ZFP64: variants seen among roughly 807,000 people sequenced by gnomAD.
The protein encoded by ZFP64 is zinc finger protein 64.
ZFP64 carries 14 observed loss-of-function variants against 51.6 expected under a neutral mutation model. The ratio of observed to expected loss-of-function variants is 0.27; its 90% CI spans 0.18 to 0.42. The LOEUF (loss-of-function observed/expected upper bound fraction) is 0.42, where lower values mean the gene tolerates loss of function less well. Among genes scored for constraint, ZFP64 ranks in the 10% least tolerant of loss-of-function variants. ZFP64 has a pLI of 1.00. For missense variants in ZFP64, 754 were observed against 906.8 expected (o/e 0.83, Z 2.16); for synonymous variants, 375 against 361.4 (o/e 1.04, Z -0.43).
chr20:52,108,249 T>G (rs1024437123), intron 5 of ZFP64, among the ~76,000 whole-genome samples: 1 of 152,026 alleles, frequency 6.6e-6, no homozygotes, highest in African/African-American at 2.4e-5. Flanking sequence ...ACCCAAAATG[T>G]GAAGCCCATT....
intron 4 of ZFP64, among the ~76,000 whole-genome samples, chr20:52,162,933 C>G (rs1179141640): frequency 6.6e-6 from 1 of 152,042 alleles, no homozygotes; most frequent in African/African-American, 2.4e-5. Context: ...AAAATGTAGA[C>G]AGAGACCGCA....
chr20:52,189,948 A>G (rs766870157), intron 1 of ZFP64, among the ~76,000 whole-genome samples: 2 of 152,100 alleles, frequency 1.3e-5, no homozygotes, highest in Non-Finnish European at 2.9e-5. Flanking sequence ...ATACAAGACT[A>G]CCTTTGTGCA....
intron 5 of ZFP64, among the ~76,000 whole-genome samples, chr20:52,132,593 A>C (rs747416295): frequency 5.3e-5 from 8 of 152,190 alleles, no homozygotes; most frequent in Non-Finnish European, 1.0e-4. Flanking sequence ...CATGTCAATA[A>C]ATTGGAAAAT....
At chr20:52,086,616 T>C (rs2078867581) in intron 8 of ZFP64, among the ~76,000 whole-genome samples, 1 of 152,012 alleles carries the variant, frequency 6.6e-6, no homozygotes, top group African/African-American at 2.4e-5. Flanking sequence ...TAGCTGGGAC[T>C]ACAGGTGCCC....
At chr20:52,146,973 T>C (rs1049344804), downstream of ZFP64, among the ~76,000 whole-genome samples, 1 of 152,214 alleles carries the variant, frequency 6.6e-6, no homozygotes, top group African/African-American at 2.4e-5. Context: ...ATTCACTGTG[T>C]CAACATATTT....
chr20:52,190,880 C>T (rs1021998117), intron 1 of ZFP64, among the ~76,000 whole-genome samples: 3 of 152,034 alleles, frequency 2.0e-5, no homozygotes, highest in African/African-American at 7.3e-5. Context: ...GGATCCCCAG[C>T]CCCACCCCCG....
chr20:52,164,627 A>G (rs891416699), intron 4 of ZFP64, 68 bp downstream of exon 4: 56 of 1,331,200 alleles, frequency 4.2e-5, no homozygotes, highest in Non-Finnish European at 6.1e-5. Flanking sequence ...CGTCTGACCT[A>G]TGTGGATCCC....
At chr20:52,109,452 G>A (rs974322932) in intron 5 of ZFP64, among the ~76,000 whole-genome samples, 7 of 152,040 alleles carry the variant, frequency 4.6e-5, no homozygotes, top group East Asian at 1.9e-4. Flanking sequence ...GTGAGCCACC[G>A]TGCCTGGCCA....
intron 7 of ZFP64, among the ~76,000 whole-genome samples, chr20:52,090,824 G>A (rs2078916992): frequency 7.1e-6 from 1 of 141,486 alleles, no homozygotes; most frequent in Admixed American, 7.2e-5. Flanking sequence ...AGACTTGGTT[G>A]GGCACAATGG....
intron 7 of ZFP64, among the ~76,000 whole-genome samples, chr20:52,091,085 C>A (rs1358428199): frequency 6.6e-6 from 1 of 152,094 alleles, no homozygotes; most frequent in Non-Finnish European, 1.5e-5. Flanking sequence ...AGAACAAGAA[C>A]TTGTCTCTAT....
At chr20:52,176,653 G>T (rs937231667) in intron 2 of ZFP64, among the ~76,000 whole-genome samples, 2 of 151,742 alleles carry the variant, frequency 1.3e-5, no homozygotes, top group African/African-American at 2.4e-5. Context: ...GGGACTACAG[G>T]CGCCCGCCAC....
At chr20:52,138,681 G>A (rs1290161453) in intron 5 of ZFP64, among the ~76,000 whole-genome samples, 1 of 151,496 alleles carries the variant, frequency 6.6e-6, no homozygotes, top group Non-Finnish European at 1.5e-5. Context: ...GGTAATATAA[G>A]GAAAGCTTAG....
intron 5 of ZFP64, among the ~76,000 whole-genome samples, chr20:52,121,869 G>A (rs1162277911): frequency 6.6e-6 from 1 of 152,128 alleles, no homozygotes; most frequent in Non-Finnish European, 1.5e-5. Context: ...TAATGTAGCT[G>A]GTGACTTGAA....
chr20:52,189,534 G>C (rs902696638), intron 1 of ZFP64, among the ~76,000 whole-genome samples: 6 of 151,132 alleles, frequency 4.0e-5, no homozygotes, highest in Non-Finnish European at 8.8e-5. Context: ...GGAGTGCAAG[G>C]GCACGATCTC....
chr20:52,128,367 C>A (rs1261518501), intron 5 of ZFP64, among the ~76,000 whole-genome samples: 2 of 152,104 alleles, frequency 1.3e-5, no homozygotes, highest in Non-Finnish European at 2.9e-5. Flanking sequence ...ATGGTGGTGC[C>A]CCACCCACCA....
rs188631886 is a variant in ZFP64 at position 52,143,923 on chromosome 20, C to T, written c.763+16200G>A. On this transcript the variant is annotated intron_variant, in intron 5 of 8. Transcript: ENST00000361387. ...CATCCACAGGACTGCAAACAGATTT[C>T]GTTTGATGGAACACAGCTAATTACT... 5.6e-3 allele frequency among the ~76,000 whole-genome samples: 795 copies of T among 143,136 alleles called. 79 individuals carry two copies. Among genetic ancestry groups the T allele is most frequent in the African/African-American group, 0.019 (742 of 40,056 alleles). 93.9% of individuals were successfully genotyped at this position (143,136 alleles called of 152,430 possible). A position where few individuals can be genotyped will look rare whatever the true frequency, so the allele number is the denominator to read the frequency against.
intron 5 of ZFP64, among the ~76,000 whole-genome samples, chr20:52,137,421 C>T (rs192866914): frequency 1.2e-4 from 18 of 152,146 alleles, no homozygotes; most frequent in African/African-American, 2.6e-4. Flanking sequence ...CAGAGTTTAA[C>T]GACTACTGAA....
intron 2 of ZFP64, among the ~76,000 whole-genome samples, chr20:52,171,386 TGTATGC>T (rs964598245): frequency 2.4e-4 from 37 of 152,028 alleles, no homozygotes; most frequent in Non-Finnish European, 4.4e-4. Context: ...TATGTGTCTG[TGTATGC>T]GTATGCGTAT....
At position 52,139,354 on chromosome 20, in the gene ZFP64, C is replaced by T. The variant is rs568629089; in HGVS notation, c.763+20769G>A. Among the ~76,000 whole-genome samples, 7 of 152,264 alleles carry T rather than the reference C, an allele frequency of 4.6e-5. No individual in the cohort carries two copies. The East Asian group carries it at 1.4e-3, about 29-fold the overall frequency. The stretch of plus-strand genomic sequence containing the variant: ...CATGAAATCATGGACTTTGCAGCAA[C>T]ATAGATGCAGCTGGAGGTCATTATC... On this transcript the variant is annotated intron_variant, in intron 5 of 8. Coordinates refer to the ZFP64 transcript ENST00000361387.
Sources: allele counts gnomAD v4.1 joint callset (sites outside exome capture counted in the v4.1 genomes callset), GRCh38; gene constraint gnomAD v4.1.1; transcripts MANE v1.5; gene names NCBI Gene and HGNC (gene_info 2026-07-23, HGNC 2026-07-21).